The following RIMKLA variants were observed in gnomAD, a reference collection of about 807,000 sequenced individuals.
RIMKLA encodes ribosomal modification protein rimK like family member A, also known as N-acetylaspartylglutamate synthase A.
A neutral mutation model predicts 32.7 loss-of-function variants in RIMKLA; 14 were observed. The ratio of observed to expected loss-of-function variants is 0.43; its 90% CI spans 0.28 to 0.67. The LOEUF is 0.67. Ranked by LOEUF, RIMKLA falls within the 30% of genes least tolerant of loss-of-function variation. The pLI is 0.18. For synonymous variants in RIMKLA, 176 were observed against 204.1 expected (o/e 0.86, Z 1.18); for missense variants, 410 against 519.0 (o/e 0.79, Z 2.04).
intron 1 of RIMKLA, among the ~76,000 whole-genome samples, chr1:42,388,525 T>G (rs138988154): frequency 0.39 from 56,896 of 145,380 alleles, 11,603 homozygotes; most frequent in Middle Eastern, 0.55. Flanking sequence ...TTGTTTTTTT[T>G]TTTTTTTTTT....
chr1:42,386,842 G>T (rs546029078), intron 1 of RIMKLA, among the ~76,000 whole-genome samples: 1 of 151,276 alleles, frequency 6.6e-6, no homozygotes, highest in Admixed American at 6.6e-5. Flanking sequence ...CTGAGATTAC[G>T]CCACTGCCCT....
chr1:42,392,861 T>C (rs1243292332), intron 1 of RIMKLA, among the ~76,000 whole-genome samples: 1 of 152,014 alleles, frequency 6.6e-6, no homozygotes, highest in Non-Finnish European at 1.5e-5. Context: ...GCATGGTGGC[T>C]CGTGCCTGTA....
Position 42,415,207 on chromosome 1 carries a change from T to G in RIMKLA, c.*233T>G. On this transcript the variant is annotated 3_prime_UTR_variant, in exon 5 of 5. Transcript: ENST00000431473. ...TCCCGACTGATCAGTATGAGACTGA[T>G]GTCTGCTGTGAGCACGTGGATATTA... The G allele has an allele frequency of 2.1e-6, 1 of 470,802 alleles. No homozygotes were observed. Among genetic ancestry groups the G allele is most frequent in the Non-Finnish European group, 3.8e-6 (1 of 265,784 alleles). The allele number at this position is 470,802 out of a possible 1,614,324, so 29.2% of individuals were successfully genotyped here.
At chr1:42,395,360 G>GTT (rs71962302) in intron 1 of RIMKLA, among the ~76,000 whole-genome samples, 24 of 138,690 alleles carry the variant, frequency 1.7e-4, no homozygotes, top group Admixed American at 2.9e-4. Flanking sequence ...GGTTGTTTTA[G>GTT]TTTTTTTTTT....
intron 3 of RIMKLA, among the ~76,000 whole-genome samples, chr1:42,405,656 CA>C (rs917223975): frequency 3.7e-4 from 56 of 152,096 alleles, no homozygotes; most frequent in Non-Finnish European, 5.6e-4. Flanking sequence ...TCTCAAAAAA[CA>C]AAAAAACAAA....
intron 2 of RIMKLA, among the ~76,000 whole-genome samples, chr1:42,403,100 G>A (rs1048340209): frequency 7.9e-5 from 12 of 152,120 alleles, no homozygotes; most frequent in African/African-American, 2.9e-4. Flanking sequence ...CCTCTAAGCA[G>A]CCCAAATATG....
chr1:42,416,525 G>T lies in RIMKLA; in HGVS notation c.*1551G>T, dbSNP rs1261225988. 1 of 150,966 alleles carries T rather than the reference G, an allele frequency of 6.6e-6. No individual in the cohort carries two copies. The highest frequency in any genetic ancestry group is 2.4e-5 in the African/African-American group (1 of 40,942). The allele number at this position is 150,966 out of a possible 1,614,324, so 9.4% of individuals were successfully genotyped here. A position where few individuals can be genotyped will look rare whatever the true frequency, so the allele number is the denominator to read the frequency against. On this transcript the variant is annotated 3_prime_UTR_variant, in exon 5 of 5. Transcript: ENST00000431473. ...AAAAAAAATCATTCCTCAAAAAATA[G>T]ATCTACCCTTAAAGGACAAAGATTT...
chr1:42,383,313 C>T (rs1014638115), intron 1 of RIMKLA, among the ~76,000 whole-genome samples: 4 of 152,118 alleles, frequency 2.6e-5, no homozygotes, highest in African/African-American at 4.8e-5. Context: ...AATCACAAAA[C>T]GTAGAACAAA....
intron 1 of RIMKLA, among the ~76,000 whole-genome samples, chr1:42,385,757 TTCTTTC>T (rs1642932023): frequency 9.1e-6 from 1 of 109,326 alleles, no homozygotes; most frequent in Non-Finnish European, 1.8e-5. Context: ...CTTTCTTTCT[TTCTTTC>T]TTTCTTTGTT....
intron 2 of RIMKLA, among the ~76,000 whole-genome samples, chr1:42,401,979 AAAAG>A (rs1289081317): frequency 6.6e-6 from 1 of 152,190 alleles, no homozygotes; most frequent in East Asian, 1.9e-4. Context: ...TACTGCATCG[AAAAG>A]AAAGGAAGGA....
At chr1:42,405,751 C>G (rs1272084538) in intron 3 of RIMKLA, among the ~76,000 whole-genome samples, 2 of 152,174 alleles carry the variant, frequency 1.3e-5, no homozygotes, top group Non-Finnish European at 2.9e-5. Flanking sequence ...ACTGATATAG[C>G]AAGTATGCCC....
intron 1 of RIMKLA, among the ~76,000 whole-genome samples, chr1:42,382,827 ATACCT>A (rs1252582529): frequency 2.6e-5 from 4 of 152,082 alleles, no homozygotes; most frequent in Non-Finnish European, 4.4e-5. Flanking sequence ...ATGTGTGAAA[ATACCT>A]TAATCTATTC....
intron 1 of RIMKLA, 81 bp from the exon 2 acceptor site, chr1:42,399,323 T>C (rs1257547679): frequency 1.9e-6 from 2 of 1,063,052 alleles, no homozygotes; most frequent in Non-Finnish European, 2.8e-6. Flanking sequence ...AGGTTCAGTC[T>C]TGAAGAGTCT....
chr1:42,410,722 T>TTTCCTA (rs1557757861), intron 4 of RIMKLA, among the ~76,000 whole-genome samples: 1 of 152,216 alleles, frequency 6.6e-6, no homozygotes, highest in African/African-American at 2.4e-5. Context: ...TAAAGTTTGT[T>TTTCCTA]ATCTGTTGTA....
rs757897547 is a variant in RIMKLA, at chr1:42,389,843, C to T, written c.163+8746C>T. 2.6e-5 allele frequency among the ~76,000 whole-genome samples: 4 copies of T among 151,680 alleles called. 1 individual carries two copies. The highest frequency in any genetic ancestry group is 4.8e-5 in the African/African-American group (2 of 41,296). The stretch of plus-strand genomic sequence containing the variant: ...AAAAAAATGTTCTGGTAGATGAAGT[C>T]GGATGAGGAATTATAATTGATTTAG... On this transcript the variant is annotated intron_variant, in intron 1 of 4. Coordinates refer to ENST00000431473, the MANE Select transcript of RIMKLA (RefSeq NM_173642.4).
intron 3 of RIMKLA, among the ~76,000 whole-genome samples, chr1:42,408,844 C>G (rs1457420142): frequency 1.3e-5 from 2 of 152,126 alleles, no homozygotes; most frequent in Admixed American, 6.6e-5. Context: ...ACTGGGCATG[C>G]TCATGTCAGA....
intron 2 of RIMKLA, among the ~76,000 whole-genome samples, chr1:42,403,984 A>G (rs1422219419): frequency 6.6e-6 from 1 of 152,098 alleles, no homozygotes; most frequent in Non-Finnish European, 1.5e-5. Flanking sequence ...CCTTCTCCAC[A>G]ACATGGCAGT....
In RIMKLA at chr1:42,419,018, G is replaced by C. The variant is rs1422018327; in HGVS notation, c.*4044G>C. ...AGCCATATTTGTCACTGTCCCTAAA[G>C]TGAATGTTCATAGATCTGGGACTGT... is the stretch of plus-strand genomic sequence containing the variant. On this transcript the variant is annotated 3_prime_UTR_variant, in exon 5 of 5. Coordinates refer to ENST00000431473, the MANE Select transcript of RIMKLA (RefSeq NM_173642.4). The C allele has an allele frequency of 6.6e-6, 1 of 152,250 alleles. No individual in the cohort carries two copies. Among genetic ancestry groups the C allele is most frequent in the Admixed American group, 6.5e-5 (1 of 15,284 alleles). The allele number at this position is 152,250 out of a possible 1,614,324, so 9.4% of individuals were successfully genotyped here. A position where few individuals can be genotyped will look rare whatever the true frequency, so the allele number is the denominator to read the frequency against.
chr1:42,399,531 G>T lies in RIMKLA; in HGVS notation c.291G>T (p.Arg97=). ...GACACCTGGAGAAGCTGGGCTGCCG[G>T]TTGGTCAATCGCCCACAGAGCATCT... is the stretch of plus-strand genomic sequence containing the variant. ...VLRHLEKLGC[R]LVNRPQSILN... is the part of the protein sequence containing the mutation. Residue 97 remains arginine (R), a synonymous_variant, in exon 2 of 5, where the codon CGG becomes CGT. Transcript: ENST00000431473. 1 of 1,613,564 alleles carries T rather than the reference G, an allele frequency of 6.2e-7. No individual in the cohort carries two copies. Among genetic ancestry groups the T allele is most frequent in the Non-Finnish European group, 8.5e-7 (1 of 1,179,802 alleles).
Sources: gnomAD v4.1 joint callset for allele counts (sites outside exome capture counted in the v4.1 genomes callset) on GRCh38, gnomAD v4.1.1 for gene constraint, MANE v1.5 for transcripts, NCBI Gene and HGNC (gene_info 2026-07-23, HGNC 2026-07-21) for gene names.